Variants in CEP68 observed in about 807,000 individuals in gnomAD.
CEP68 encodes centrosomal protein 68.
A neutral mutation model predicts 55.3 loss-of-function variants in CEP68; 26 were observed. That is an observed-to-expected ratio of 0.47 (90% confidence interval 0.34 to 0.65). The LOEUF (loss-of-function observed/expected upper bound fraction) is 0.65, where lower values mean the gene tolerates loss of function less well. Among genes scored for constraint, CEP68 ranks in the 30% least tolerant of loss-of-function variants. The pLI, the probability that CEP68 is intolerant of heterozygous loss-of-function variation, is 0.01. For missense variants in CEP68, 957 were observed against 946.7 expected, an observed-to-expected ratio of 1.01 and a Z score of -0.14; for synonymous variants, 402 against 383.2, an observed-to-expected ratio of 1.05 and a Z score of -0.57.
chr2:65,062,402 A>G (rs1379181494), intron 1 of CEP68, among the ~76,000 whole-genome samples: 1 of 152,028 alleles, frequency 6.6e-6, no homozygotes, highest in African/African-American at 2.4e-5. Flanking sequence ...GGATGGTGGC[A>G]CGCACCTGGA....
At chr2:65,062,688 T>A (rs191440294) in intron 1 of CEP68, among the ~76,000 whole-genome samples, 5 of 151,072 alleles carry the variant, frequency 3.3e-5, no homozygotes, top group Middle Eastern at 3.4e-3. Context: ...ATACAAAAAA[T>A]GAACCACGCA....
chr2:65,077,833 A>G, intron 4 of CEP68, 35 bp from the exon 5 acceptor site: 1 of 1,504,630 alleles, frequency 6.6e-7, no homozygotes, highest in East Asian at 2.3e-5. Context: ...ATAGTAACGA[A>G]GCTTCTGCCT....
chr2:65,068,277 C>G (rs976992104), intron 1 of CEP68, among the ~76,000 whole-genome samples: 13 of 152,192 alleles, frequency 8.5e-5, no homozygotes, highest in African/African-American at 3.1e-4. Context: ...CATGCTTAGG[C>G]TGAGGGTGAT....
intron 1 of CEP68, among the ~76,000 whole-genome samples, chr2:65,060,167 T>G (rs1417794161): frequency 6.6e-6 from 1 of 152,182 alleles, no homozygotes; most frequent in Non-Finnish European, 1.5e-5. Flanking sequence ...GTCCTATGCC[T>G]TTTACTCAGG....
At chr2:65,070,505 G>A (rs997611474) in intron 2 of CEP68, among the ~76,000 whole-genome samples, 1 of 151,906 alleles carries the variant, frequency 6.6e-6, no homozygotes, top group Non-Finnish European at 1.5e-5. Flanking sequence ...GATCTTCTCG[G>A]TGTCATTGTA....
chr2:65,060,550 C>T lies in CEP68; in HGVS notation c.-47+4022C>T, dbSNP rs145050865. 2.1e-3 allele frequency among the ~76,000 whole-genome samples: 324 copies of T among 151,604 alleles called. 1 individual carries two copies. Among genetic ancestry groups the T allele is most frequent in the African/African-American group, 7.5e-3 (311 of 41,306 alleles). ...TTTGAGACCAGTCCGGGCAACATAG[C>T]GAGGCCTCGTCTCTTAAAAAAAAAT... On this transcript the variant is annotated intron_variant, in intron 1 of 6. Coordinates refer to ENST00000377990, the MANE Select transcript of CEP68 (RefSeq NM_015147.3).
rs200409745 is a variant in CEP68, at chr2:65,077,860, G to A, written c.2008-8G>A. ...CTTCTGCCTTTTCTTTTTCTGATAC[G>A]CCTTAAGCAATTTAAGAAAGATATA... On this transcript the variant is annotated splice_region_variant and splice_polypyrimidine_tract_variant and intron_variant, in intron 4 of 6. Transcript: ENST00000377990. 7.5e-6 allele frequency: 12 copies of A among 1,601,722 alleles called. No individual in the cohort carries two copies. The highest frequency in any genetic ancestry group is 6.7e-5 in the African/African-American group (5 of 74,526).
At chr2:65,076,668 C>A (rs1676777219) in intron 4 of CEP68, among the ~76,000 whole-genome samples, 1 of 152,066 alleles carries the variant, frequency 6.6e-6, no homozygotes, top group Non-Finnish European at 1.5e-5. Context: ...GCACATAAAC[C>A]ACACTACAGT....
chr2:65,077,731 A>T, intron 4 of CEP68, 137 bp from the exon 5 acceptor site: 1 of 561,486 alleles, frequency 1.8e-6, no homozygotes, highest in East Asian at 3.1e-5. Flanking sequence ...TTACTTGGGG[A>T]ATTCTGCAGA....
At chr2:65,078,412 G>C (rs916976855) in intron 5 of CEP68, among the ~76,000 whole-genome samples, 1 of 152,174 alleles carries the variant, frequency 6.6e-6, no homozygotes, top group East Asian at 1.9e-4. Flanking sequence ...AGTTGTTTCA[G>C]AAAAGGATTG....
chr2:65,077,884 T>G lies in CEP68; in HGVS notation c.2024T>G (p.Ile675Arg), dbSNP rs1272890582. 3 of 1,613,390 alleles carry G rather than the reference T, an allele frequency of 1.9e-6. No individual in the cohort carries two copies. Among genetic ancestry groups the G allele is most frequent in the Non-Finnish European group, 2.5e-6 (3 of 1,179,588 alleles). Reference sequence around the variant, plus strand: ...CGCCTTAAGCAATTTAAGAAAGATATAGATGAACATCAGTCTCTGACGGAG... The same window carrying G: ...CGCCTTAAGCAATTTAAGAAAGATAGAGATGAACATCAGTCTCTGACGGAG... Reference protein sequence around the residue: ...LQLYRQFKKDIDEHQSLTESV... With the variant: ...LQLYRQFKKDRDEHQSLTESV... Residue 675 changes from isoleucine (I) to arginine (R), a missense_variant, in exon 5 of 7, where the codon ATA becomes AGA. Coordinates refer to ENST00000377990, the MANE Select transcript of CEP68 (RefSeq NM_015147.3).
At chr2:65,074,123 AG>A (rs1273592547) in intron 3 of CEP68, 158 bp from the exon 4 acceptor site, 22 of 723,074 alleles carry the variant, frequency 3.0e-5, no homozygotes, top group Non-Finnish European at 2.0e-5. Context: ...TGGCAGAGGG[AG>A]GTACAGAGTC....
rs975148772 is a variant in CEP68 at position 65,071,649 on chromosome 2, C to T, written c.553C>T (p.Leu185=). Residue 185 remains leucine (L), a synonymous_variant, in exon 3 of 7, where the codon CTG becomes TTG. Transcript: ENST00000377990. ...TTGCCTGTCACAGTGGAAGTCCGTG[C>T]TGAGCCCAGGTTCCGCAGCTCAGCC... ...LSCLSQWKSV[L]SPGSAAQPSS... 2.5e-6 allele frequency: 4 copies of T among 1,614,192 alleles called. No individual in the cohort carries two copies. The Admixed American group carries it at 6.7e-5, about 27-fold the overall frequency.
At position 65,072,029 on chromosome 2, in the gene CEP68, C is replaced by CG. The variant is rs773096620; in HGVS notation, c.936dup (p.Pro313AlafsTer8). On this transcript the variant is annotated frameshift_variant, in exon 3 of 7. Transcript: ENST00000377990. LOFTEE classifies it high-confidence loss of function. The stretch of plus-strand genomic sequence containing the variant: ...TTGACTATACTTACCCACTGAGGCC[C>CG]GGGCCTCAGCTCCCAAAGCACCTTG... 1 of 1,613,484 alleles carries CG rather than the reference C, an allele frequency of 6.2e-7. No individual in the cohort carries two copies. The highest frequency in any genetic ancestry group is 8.5e-7 in the Non-Finnish European group (1 of 1,179,986).
rs753891584 is a variant in CEP68 at position 65,072,903 on chromosome 2, T to G, written c.1807T>G (p.Ser603Ala). ...AGCTAGGTTGGACCGGTGGCCATTC[T>G]CAGACCCAGATGTTGAAGGGCAGCT... is the stretch of plus-strand genomic sequence containing the variant. ...LPARLDRWPF[S>A]DPDVEGQLPR... The change falls in exon 3 of 7, where the codon TCA becomes GCA. Residue 603 changes from serine to alanine, a missense_variant. Physicochemically the swap from Ser to Ala is moderately conservative, Grantham distance 99. Coordinates refer to ENST00000377990, the MANE Select transcript of CEP68 (RefSeq NM_015147.3). 6.2e-7 allele frequency: 1 copy of G among 1,614,128 alleles called. No homozygotes were observed. The highest frequency in any genetic ancestry group is 8.5e-7 in the Non-Finnish European group (1 of 1,180,024).
intron 6 of CEP68, among the ~76,000 whole-genome samples, chr2:65,082,970 C>T (rs983580384): frequency 6.6e-6 from 1 of 152,182 alleles, no homozygotes; most frequent in African/African-American, 2.4e-5. Flanking sequence ...GCACTTTCTT[C>T]ACCACCAACC....
rs996110627 is a variant in CEP68 at position 65,084,630 on chromosome 2, T to C, written c.*996T>C. On this transcript the variant is annotated 3_prime_UTR_variant, in exon 7 of 7. Coordinates refer to ENST00000377990, the MANE Select transcript of CEP68 (RefSeq NM_015147.3). The stretch of plus-strand genomic sequence containing the variant: ...AACTGCAGATTCTACAGAAAAGCAC[T>C]TTTAAAGTTCTGTTGGGCCATGAAT... The C allele has an allele frequency of 6.6e-6, 1 of 152,146 alleles. No individual in the cohort carries two copies. Among genetic ancestry groups the C allele is most frequent in the African/African-American group, 2.4e-5 (1 of 41,426 alleles). The allele number at this position is 152,146 out of a possible 1,614,324, so 9.4% of individuals were successfully genotyped here. A position where few individuals can be genotyped will look rare whatever the true frequency, so the allele number is the denominator to read the frequency against.
chr2:65,070,527 T>C (rs1676410778), intron 2 of CEP68, among the ~76,000 whole-genome samples: 1 of 151,966 alleles, frequency 6.6e-6, no homozygotes, highest in African/African-American at 2.4e-5. Flanking sequence ...CCTTGGCTGC[T>C]GCAGGGTCCC....
In CEP68 at chr2:65,083,801, A is replaced by G. The variant is rs181503729; in HGVS notation, c.*167A>G. ...TTTCTCCTCCCTGAATGGAGGGCTG[A>G]GTTACTATTTTTATTTACAATGAAT... is the stretch of plus-strand genomic sequence containing the variant. On this transcript the variant is annotated 3_prime_UTR_variant, in exon 7 of 7. Coordinates refer to ENST00000377990, the MANE Select transcript of CEP68 (RefSeq NM_015147.3). 53 of 152,334 alleles carry G rather than the reference A, an allele frequency of 3.5e-4. No individual in the cohort carries two copies. The highest frequency in any genetic ancestry group is 1.2e-3 in the African/African-American group (51 of 41,574). The allele number at this position is 152,334 out of a possible 1,614,324, so 9.4% of individuals were successfully genotyped here.
Sources: allele counts gnomAD v4.1 joint callset (sites outside exome capture counted in the v4.1 genomes callset), GRCh38; gene constraint gnomAD v4.1.1; transcripts MANE v1.5; gene names NCBI Gene and HGNC (gene_info 2026-07-23, HGNC 2026-07-21).